Variants in ZNF710 observed in about 807,000 individuals in gnomAD.
ZNF710 encodes zinc finger protein 710.
A neutral mutation model predicts 50.6 loss-of-function variants in ZNF710; 13 were observed. The observed-to-expected ratio is 0.26, with a 90% CI of 0.17 to 0.41. The LOEUF (loss-of-function observed/expected upper bound fraction) is 0.41. Ranked by LOEUF, ZNF710 falls within the 10% of genes least tolerant of loss-of-function variation. The probability of loss-of-function intolerance (pLI) is 1.00; values close to 1 mark genes in which losing one functional copy is unlikely to be tolerated. For missense variants in ZNF710, 721 were observed against 936.6 expected (o/e 0.77, Z 3.01); for synonymous variants, 383 against 397.0 (o/e 0.96, Z 0.42).
intron 1 of ZNF710, among the ~76,000 whole-genome samples, chr15:90,021,009 AC>A (rs532595178): frequency 0.046 from 4,201 of 90,888 alleles, 80 homozygotes; most frequent in Non-Finnish European, 0.07. Context: ...AGGGTGTGGC[AC>A]CCCCCCCCCC....
chr15:90,017,121 G>A (rs1488350675), intron 1 of ZNF710, among the ~76,000 whole-genome samples: 1 of 152,204 alleles, frequency 6.6e-6, no homozygotes, highest in African/African-American at 2.4e-5. Context: ...TTTATGGCAG[G>A]GAACTTTTTA....
intron 1 of ZNF710, among the ~76,000 whole-genome samples, chr15:90,036,145 C>G (rs1476923930): frequency 1.3e-5 from 2 of 152,182 alleles, no homozygotes; most frequent in African/African-American, 2.4e-5. Context: ...TTGTTCTTCT[C>G]TACCCTGTTT....
intron 2 of ZNF710, among the ~76,000 whole-genome samples, chr15:90,072,644 G>A (rs537974429): frequency 6.6e-6 from 1 of 152,126 alleles, no homozygotes; most frequent in South Asian, 2.1e-4. Context: ...CAGACAGCGG[G>A]CAGACCCTGT....
At chr15:90,063,550 T>A (rs1900076732) in intron 1 of ZNF710, among the ~76,000 whole-genome samples, 2 of 152,172 alleles carry the variant, frequency 1.3e-5, no homozygotes, top group Admixed American at 6.5e-5. Flanking sequence ...TTAGTCCCTT[T>A]CTACAGCCAA....
At chr15:90,052,847 C>A (rs550322141) in intron 1 of ZNF710, among the ~76,000 whole-genome samples, 138 of 152,272 alleles carry the variant, frequency 9.1e-4, no homozygotes, top group African/African-American at 3.1e-3. Flanking sequence ...GCAGGGGAAT[C>A]GCTTGAACCG....
rs554347805 is a variant in ZNF710 at position 90,066,605 on chromosome 15, A to C, written c.-28-505A>C. 3.3e-4 allele frequency among the ~76,000 whole-genome samples: 50 copies of C among 150,048 alleles called. No individual in the cohort carries two copies. The East Asian group carries it at 9.1e-3, about 27-fold the overall frequency. ...TGATTCTCCTGCCTCAGCCTCCTAT[A>C]GCTGGGATTACAGGTGCCGGCCACC... On this transcript the variant is annotated intron_variant, in intron 1 of 4. Transcript: ENST00000268154.
intron 1 of ZNF710, chr15:90,045,364 A>T: frequency 8.1e-6 from 8 of 985,442 alleles, no homozygotes; most frequent in Non-Finnish European, 9.6e-6. Context: ...GACGTGAGCC[A>T]TGGAGAGGTT....
intron 1 of ZNF710, among the ~76,000 whole-genome samples, chr15:90,004,511 A>G (rs1898090511): frequency 6.6e-6 from 1 of 152,102 alleles, no homozygotes; most frequent in African/African-American, 2.4e-5. Flanking sequence ...CATTATGTTG[A>G]AATAAGGAAT....
intron 2 of ZNF710, among the ~76,000 whole-genome samples, chr15:90,071,577 C>T (rs530633065): frequency 6.6e-6 from 1 of 152,012 alleles, no homozygotes; most frequent in Non-Finnish European, 1.5e-5. Context: ...CAGCTGTGAC[C>T]ACAGACACAT....
At chr15:90,005,500 G>A (rs1225751038) in intron 1 of ZNF710, among the ~76,000 whole-genome samples, 2 of 152,102 alleles carry the variant, frequency 1.3e-5, no homozygotes, top group Non-Finnish European at 2.9e-5. Context: ...CCAGGCTGGA[G>A]TGCAGTGGCG....
At chr15:90,031,037 A>AAAAAAC (rs1898933644) in intron 1 of ZNF710, among the ~76,000 whole-genome samples, 1 of 151,216 alleles carries the variant, frequency 6.6e-6, no homozygotes, top group South Asian at 2.1e-4. Flanking sequence ...AGAAAAAAAA[A>AAAAAAC]AAAATGCTTA....
chr15:90,023,203 A>T (rs950785199), intron 1 of ZNF710, among the ~76,000 whole-genome samples: 7 of 152,202 alleles, frequency 4.6e-5, no homozygotes, highest in African/African-American at 1.2e-4. Flanking sequence ...CTCACACTCC[A>T]TCCATTGAAC....
chr15:90,071,269 A>G (rs1596060971), intron 2 of ZNF710, among the ~76,000 whole-genome samples: 2 of 152,298 alleles, frequency 1.3e-5, no homozygotes, highest in East Asian at 1.9e-4. Context: ...CTTAAAAAAA[A>G]AAAAAAAATC....
upstream of ZNF710, among the ~76,000 whole-genome samples, chr15:90,000,029 G>A (rs924286831): frequency 3.3e-5 from 5 of 151,924 alleles, no homozygotes; most frequent in African/African-American, 9.7e-5. Context: ...GTTTGCTCTC[G>A]GGGCCCACCG....
intron 1 of ZNF710, among the ~76,000 whole-genome samples, chr15:90,031,507 G>A (rs113448064): frequency 0.012 from 1,793 of 152,342 alleles, 22 homozygotes; most frequent in Admixed American, 0.025. Context: ...GAGAGGTTAA[G>A]TGAGGACACA....
intron 2 of ZNF710, among the ~76,000 whole-genome samples, chr15:90,070,086 T>G (rs1378012000): frequency 6.6e-6 from 1 of 152,172 alleles, no homozygotes; most frequent in Admixed American, 6.5e-5. Flanking sequence ...CGGTAGACAC[T>G]ATAGGGAGTT....
rs548764350 is a variant in ZNF710, at chr15:90,005,574, G to T, written c.-29+3960G>T. The stretch of plus-strand genomic sequence containing the variant: ...AGCGATTCTCCTGCCTCAGCCTCCT[G>T]AGTAGCTGGGACTACAGGCATGCGC... On this transcript the variant is annotated intron_variant, in intron 1 of 4. Transcript: ENST00000268154. Among the ~76,000 whole-genome samples, 4 of 152,106 alleles carry T rather than the reference G, an allele frequency of 2.6e-5. No individual in the cohort carries two copies. The South Asian group carries it at 8.3e-4, about 32-fold the overall frequency.
chr15:90,051,324 T>C (rs970712813), intron 1 of ZNF710, among the ~76,000 whole-genome samples: 8 of 151,110 alleles, frequency 5.3e-5, no homozygotes, highest in Non-Finnish European at 7.4e-5. Flanking sequence ...TCATTTCCCT[T>C]ATCTCCTTTA....
chr15:90,032,593 C>G (rs757156564), intron 1 of ZNF710, among the ~76,000 whole-genome samples: 3 of 151,808 alleles, frequency 2.0e-5, no homozygotes, highest in Non-Finnish European at 2.9e-5. Context: ...GCCTGGCCAA[C>G]ATGGCAAAAC....
Sources: allele counts gnomAD v4.1 joint callset (sites outside exome capture counted in the v4.1 genomes callset), GRCh38; gene constraint gnomAD v4.1.1; transcripts MANE v1.5; gene names NCBI Gene and HGNC (gene_info 2026-07-23, HGNC 2026-07-21).